The following RBMS3 variants were observed in gnomAD, a reference collection of about 807,000 sequenced individuals.
RBMS3 encodes the protein RNA binding motif single stranded interacting protein 3.
Under a neutral mutation model 66.8 loss-of-function variants are expected in RBMS3, and 27 were observed. That is an observed-to-expected ratio of 0.40 (90% CI 0.30 to 0.56). The LOEUF (loss-of-function observed/expected upper bound fraction) is 0.56, where lower values mean the gene tolerates loss of function less well. Among genes scored for constraint, RBMS3 ranks in the 20% least tolerant of loss-of-function variants. The probability of loss-of-function intolerance (pLI) is 0.40; values close to 1 mark genes in which losing one functional copy is unlikely to be tolerated. For synonymous variants in RBMS3, 188 were observed against 183.0 expected, an observed-to-expected ratio of 1.03 and a Z score of -0.22; for missense variants, 513 against 549.5, an observed-to-expected ratio of 0.93 and a Z score of 0.66.
chr3:29,709,424 T>C (rs73829315), intron 4 of RBMS3, among the ~76,000 whole-genome samples: 18,419 of 152,208 alleles, frequency 0.12, 2,362 homozygotes, highest in African/African-American at 0.32. Flanking sequence ...GTATCAGCTC[T>C]TGATGGAATT....
At chr3:29,500,061 ATTTTC>A (rs1456665328) in intron 3 of RBMS3, among the ~76,000 whole-genome samples, 8 of 141,520 alleles carry the variant, frequency 5.7e-5, no homozygotes, top group African/African-American at 1.7e-4. Context: ...AATGAGAAGG[ATTTTC>A]TTTTTTTTTT....
chr3:29,290,588 T>A (rs1185882225), intron 1 of RBMS3: 1 of 151,824 alleles, frequency 6.6e-6, no homozygotes, highest in Non-Finnish European at 1.5e-5. Context: ...CTAAGGTAGG[T>A]AGGGAATCCT....
intron 14 of RBMS3, among the ~76,000 whole-genome samples, chr3:29,999,111 C>G (rs1031357909): frequency 6.6e-6 from 1 of 151,534 alleles, no homozygotes. Context: ...AGAATATGAT[C>G]AGACACTTCT....
chr3:29,939,728 T>G (rs749049532), intron 11 of RBMS3, among the ~76,000 whole-genome samples: 1 of 151,838 alleles, frequency 6.6e-6, no homozygotes, highest in Non-Finnish European at 1.5e-5. Context: ...AACATACTTA[T>G]GCCACATGAT....
intron 3 of RBMS3, among the ~76,000 whole-genome samples, chr3:29,545,751 A>G (rs1250820414): frequency 6.6e-6 from 1 of 152,072 alleles, no homozygotes; most frequent in East Asian, 1.9e-4. Flanking sequence ...CAATTGAGAC[A>G]TTCTGTAGTT....
At chr3:30,002,669 A>G (rs71321123) in intron 14 of RBMS3, among the ~76,000 whole-genome samples, 3,841 of 152,100 alleles carry the variant, frequency 0.025, 116 homozygotes, top group East Asian at 0.16. Flanking sequence ...TAAAAATTGA[A>G]TATTCGATCT....
At chr3:29,375,246 G>A (rs2038407605) in intron 1 of RBMS3, among the ~76,000 whole-genome samples, 1 of 152,126 alleles carries the variant, frequency 6.6e-6, no homozygotes, top group African/African-American at 2.4e-5. Flanking sequence ...ACTCCAAGCT[G>A]TAAAAATCCT....
At chr3:29,858,313 A>C (rs12636997) in intron 6 of RBMS3, among the ~76,000 whole-genome samples, 1 of 152,198 alleles carries the variant, frequency 6.6e-6, no homozygotes, top group East Asian at 1.9e-4. Flanking sequence ...TATGTAGTAC[A>C]TAGTAATCTA....
intron 3 of RBMS3, among the ~76,000 whole-genome samples, chr3:29,558,977 T>A (rs2046447807): frequency 6.6e-6 from 1 of 152,162 alleles, no homozygotes; most frequent in African/African-American, 2.4e-5. Flanking sequence ...CCTTAAAGAT[T>A]ATTTAATACT....
intron 1 of RBMS3, among the ~76,000 whole-genome samples, chr3:29,392,552 C>A (rs550223569): frequency 2.0e-5 from 3 of 152,094 alleles, no homozygotes; most frequent in African/African-American, 7.2e-5. Context: ...TTTAACCCCA[C>A]CATTTAGTAC....
At chr3:29,803,738 T>C (rs1238154783) in intron 6 of RBMS3, among the ~76,000 whole-genome samples, 4 of 151,894 alleles carry the variant, frequency 2.6e-5, no homozygotes, top group Non-Finnish European at 5.9e-5. Flanking sequence ...ACACACACAT[T>C]TGAACACTCT....
chr3:29,961,995 AATAT>A (rs1408998975), intron 12 of RBMS3, among the ~76,000 whole-genome samples: 1 of 145,680 alleles, frequency 6.9e-6, no homozygotes, highest in Non-Finnish European at 1.5e-5. Flanking sequence ...TAATATATAT[AATAT>A]ATATATTATA....
chr3:29,993,212 T>C (rs1698995467), intron 14 of RBMS3, among the ~76,000 whole-genome samples: 1 of 152,206 alleles, frequency 6.6e-6, no homozygotes, highest in South Asian at 2.1e-4. Context: ...TATGTTATTG[T>C]TAATTTAATT....
intron 2 of RBMS3, among the ~76,000 whole-genome samples, chr3:29,437,217 C>A (rs2041434777): frequency 6.6e-6 from 1 of 152,194 alleles, no homozygotes; most frequent in Admixed American, 6.5e-5. Flanking sequence ...ATCAGCACAT[C>A]CTGCAAATCA....
chr3:29,662,878 C>T (rs2149232453), intron 4 of RBMS3, among the ~76,000 whole-genome samples: 1 of 152,228 alleles, frequency 6.6e-6, no homozygotes, highest in East Asian at 1.9e-4. Context: ...TATAAAACAT[C>T]CGTTTCTTCT....
intron 3 of RBMS3, chr3:29,537,675 T>A (rs982882967): frequency 2.0e-5 from 3 of 152,054 alleles, no homozygotes; most frequent in Non-Finnish European, 4.4e-5. Context: ...ATACAAAAAT[T>A]AGCCGGGCGT....
chr3:29,372,139 AGTT>A (rs1403254295), intron 1 of RBMS3, among the ~76,000 whole-genome samples: 1 of 127,860 alleles, frequency 7.8e-6, no homozygotes, highest in Non-Finnish European at 1.5e-5. Flanking sequence ...GGTGTGAAAC[AGTT>A]AAGTAAGAAA....
At chr3:29,734,933 A>G (rs916884668) in intron 4 of RBMS3, among the ~76,000 whole-genome samples, 2 of 152,020 alleles carry the variant, frequency 1.3e-5, no homozygotes, top group Non-Finnish European at 2.9e-5. Flanking sequence ...CACTCCAGGT[A>G]GCTTAAGAAA....
chr3:29,782,433 C>A (rs2056669636), intron 6 of RBMS3, among the ~76,000 whole-genome samples: 3 of 152,186 alleles, frequency 2.0e-5, no homozygotes, highest in Admixed American at 2.0e-4. Context: ...AGAGCAATAA[C>A]AATCACTACA....
Sources: allele counts gnomAD v4.1 joint callset (sites outside exome capture counted in the v4.1 genomes callset), GRCh38; gene constraint gnomAD v4.1.1; transcripts MANE v1.5; gene names NCBI Gene and HGNC (gene_info 2026-07-23, HGNC 2026-07-21).